The following LRRC69 variants were observed in gnomAD, a reference collection of about 807,000 sequenced individuals.
The protein encoded by LRRC69 is leucine-rich repeat-containing protein 69.
In LRRC69, 42 loss-of-function variants were observed where a neutral mutation model predicts 37.8. That is an observed-to-expected ratio of 1.11 (90% CI 0.87 to 1.44). LRRC69 has a LOEUF of 1.44. Among genes scored for constraint, LRRC69 ranks in the 40% most tolerant of loss-of-function variants. The pLI is 0.00. For missense variants in LRRC69, 357 were observed against 401.9 expected (o/e 0.89, Z 0.96); for synonymous variants, 141 against 143.1 (o/e 0.99, Z 0.11).
At chr8:91,178,015 A>AT (rs1360786773) in intron 5 of LRRC69, among the ~76,000 whole-genome samples, 1 of 151,662 alleles carries the variant, frequency 6.6e-6, no homozygotes, top group East Asian at 1.9e-4. Context: ...CACCCGGCTA[A>AT]TTTTTTGTGT....
intron 5 of LRRC69, among the ~76,000 whole-genome samples, chr8:91,173,104 T>C (rs1167332837): frequency 2.0e-5 from 3 of 151,942 alleles, no homozygotes; most frequent in Non-Finnish European, 4.4e-5. Context: ...ATCTCCTAAC[T>C]AGGCTATAGT....
chr8:91,166,853 C>T (rs923027728), intron 5 of LRRC69, among the ~76,000 whole-genome samples: 1 of 151,906 alleles, frequency 6.6e-6, no homozygotes, highest in Admixed American at 6.6e-5. Context: ...AAGCTCAAGA[C>T]TGCCAACCAA....
intron 5 of LRRC69, among the ~76,000 whole-genome samples, chr8:91,142,567 C>T (rs1808548334): frequency 6.6e-6 from 1 of 151,926 alleles, no homozygotes; most frequent in African/African-American, 2.4e-5. Flanking sequence ...ATCAGAATCC[C>T]CTGGATGCCT....
intron 6 of LRRC69, among the ~76,000 whole-genome samples, chr8:91,196,380 G>C (rs889486794): frequency 1.7e-4 from 26 of 151,726 alleles, no homozygotes; most frequent in African/African-American, 6.3e-4. Context: ...TCCTGAATCT[G>C]AACGTTGGCC....
chr8:91,160,498 C>A (rs985993633), intron 5 of LRRC69, among the ~76,000 whole-genome samples: 6 of 150,964 alleles, frequency 4.0e-5, no homozygotes, highest in Admixed American at 1.3e-4. Context: ...GGGGAGGGAC[C>A]TGGTGGGAGG....
intron 6 of LRRC69, among the ~76,000 whole-genome samples, chr8:91,198,518 C>T (rs558892396): frequency 6.6e-6 from 1 of 152,174 alleles, no homozygotes; most frequent in South Asian, 2.1e-4. Flanking sequence ...TTTGTTTTTA[C>T]ATTTTATGTT....
chr8:91,181,484 T>C (rs1211972368), intron 5 of LRRC69, among the ~76,000 whole-genome samples: 2 of 152,196 alleles, frequency 1.3e-5, no homozygotes, highest in Non-Finnish European at 2.9e-5. Context: ...TCTTGTGGCA[T>C]GTTTAGATAT....
Position 91,133,243 on chromosome 8 carries a change from A to T in LRRC69, c.517A>T (p.Lys173Ter). 1 of 1,524,914 alleles carries T rather than the reference A, an allele frequency of 6.6e-7. No individual in the cohort carries two copies. The highest frequency in any genetic ancestry group is 8.8e-7 in the Non-Finnish European group (1 of 1,140,192). 94.5% of individuals were successfully genotyped at this position (1,524,914 alleles called of 1,614,324 possible). The change falls in exon 4 of 8, where the codon AAA becomes TAA. Residue 173 changes from lysine (K) to a stop codon, truncating the protein, a stop_gained. Transcript: ENST00000448384. LOFTEE classifies it high-confidence loss of function. Reference sequence around the variant, plus strand: ...GCTGATATGCATACCTGAAGAGATTAAATTCTTGAAGAAGCTTCAGAAGCT... The same window carrying T: ...GCTGATATGCATACCTGAAGAGATTTAATTCTTGAAGAAGCTTCAGAAGCT...
At chr8:91,157,644 C>T in intron 5 of LRRC69, 1 of 1,578,610 alleles carries the variant, frequency 6.3e-7, no homozygotes, top group Middle Eastern at 1.7e-4. Flanking sequence ...ATAAAATGCA[C>T]TGGACTTTTA....
chr8:91,133,792 G>T (rs1022928974), intron 4 of LRRC69, among the ~76,000 whole-genome samples: 34 of 151,866 alleles, frequency 2.2e-4, no homozygotes, highest in African/African-American at 8.2e-4. Flanking sequence ...ACACCACCAT[G>T]CCCGGCTGAT....
intron 7 of LRRC69, chr8:91,206,739 C>T (rs942594950): frequency 3.9e-6 from 5 of 1,289,606 alleles, no homozygotes; most frequent in Non-Finnish European, 5.1e-6. Context: ...TTATTTGGTA[C>T]TGAGTGTGCA....
At position 91,127,052 on chromosome 8, in the gene LRRC69, C is replaced by G. The variant is rs750141809; in HGVS notation, c.311-36C>G. The stretch of plus-strand genomic sequence containing the variant: ...AGAAAAGTGACTAAAAATTATCTAA[C>G]AGATGGCTAAAGTGACTAAAATTAT... On this transcript the variant is annotated intron_variant, in intron 2 of 7. Coordinates refer to ENST00000448384, the Ensembl canonical transcript of LRRC69. The G allele has an allele frequency of 4.8e-6, 7 of 1,464,320 alleles. No individual in the cohort carries two copies. The South Asian group carries it at 8.6e-5, about 18-fold the overall frequency. The allele number at this position is 1,464,320 out of a possible 1,614,324, so 90.7% of individuals were successfully genotyped here. A position where few individuals can be genotyped will look rare whatever the true frequency, so the allele number is the denominator to read the frequency against.
At chr8:91,148,647 C>G (rs1343963474) in intron 5 of LRRC69, among the ~76,000 whole-genome samples, 7 of 151,968 alleles carry the variant, frequency 4.6e-5, no homozygotes, top group South Asian at 4.1e-4. Flanking sequence ...AGATCCCTGA[C>G]GAATCACCAC....
chr8:91,124,619 G>A (rs1453978035), exon 2 of LRRC69: 3 of 1,527,260 alleles, frequency 2.0e-6, no homozygotes, highest in Non-Finnish European at 2.6e-6. Flanking sequence ...TGGAGCCTGT[G>A]GTAATTTAAT....
At chr8:91,189,685 G>T (rs766099878) in intron 6 of LRRC69, 62 bp downstream of exon 6, 1 of 1,179,500 alleles carries the variant, frequency 8.5e-7, no homozygotes, top group South Asian at 1.5e-5. Flanking sequence ...ATTTTAAAGC[G>T]TTTTCTTTTA....
At chr8:91,158,519 C>A in intron 5 of LRRC69, 1 of 1,122,354 alleles carries the variant, frequency 8.9e-7, no homozygotes, top group Non-Finnish European at 1.4e-6. Flanking sequence ...AGCCAATGGG[C>A]GATGAAATAG....
chr8:91,175,702 TCAA>T (rs1006926470), intron 5 of LRRC69, among the ~76,000 whole-genome samples: 4 of 152,232 alleles, frequency 2.6e-5, no homozygotes, highest in African/African-American at 7.2e-5. Flanking sequence ...AAGGGGGGCA[TCAA>T]CAGAGTAGGA....
intron 2 of LRRC69, 113 bp from the exon 3 acceptor site, chr8:91,126,975 G>A (rs1813727960): frequency 4.1e-6 from 3 of 736,416 alleles, no homozygotes; most frequent in African/African-American, 1.8e-5. Context: ...ACCACCAAAA[G>A]AGCCTTGGCC....
At chr8:91,112,529 T>C (rs1813426041) in intron 1 of LRRC69, among the ~76,000 whole-genome samples, 1 of 152,056 alleles carries the variant, frequency 6.6e-6, no homozygotes. Context: ...TTTGACAAAG[T>C]TCAGCATCCA....
Sources: allele counts gnomAD v4.1 joint callset (sites outside exome capture counted in the v4.1 genomes callset), GRCh38; gene constraint gnomAD v4.1.1; transcripts MANE v1.5; gene names NCBI Gene and HGNC (gene_info 2026-07-23, HGNC 2026-07-21).